SYN3: variants seen among roughly 807,000 people sequenced by gnomAD.
The protein encoded by SYN3 is synapsin-3.
In SYN3, 35 loss-of-function variants were observed where a neutral mutation model predicts 65.8. The ratio of observed to expected loss-of-function variants is 0.53; its 90% CI spans 0.41 to 0.70. SYN3 has a LOEUF of 0.70. Ranked by LOEUF, SYN3 falls within the 30% of genes least tolerant of loss-of-function variation. The pLI is 0.00. For synonymous variants in SYN3, 270 were observed against 292.9 expected (o/e 0.92, Z 0.80); for missense variants, 680 against 749.0 (o/e 0.91, Z 1.08).
intron 6 of SYN3, among the ~76,000 whole-genome samples, chr22:32,790,900 C>T (rs1187130284): frequency 2.6e-5 from 4 of 152,080 alleles, no homozygotes; most frequent in East Asian, 1.9e-4. Flanking sequence ...GTCAAGGGAA[C>T]GGAATGAACA....
chr22:32,619,325 T>C (rs1237117875), intron 6 of SYN3, among the ~76,000 whole-genome samples: 1 of 152,232 alleles, frequency 6.6e-6, no homozygotes, highest in Non-Finnish European at 1.5e-5. Flanking sequence ...TGAAATCCTA[T>C]AAAGTTCATA....
rs570278906 is a variant in SYN3 at position 32,747,556 on chromosome 22, C to A, written c.711+117359G>T. On this transcript the variant is annotated intron_variant, in intron 6 of 13. Transcript: ENST00000358763. Reference sequence around the variant, plus strand: ...CCTATAAGACAAGTTCTATTACTAACCCTATTTTACAGATGAGGAAAGTGA... The same window carrying A: ...CCTATAAGACAAGTTCTATTACTAAACCTATTTTACAGATGAGGAAAGTGA... Among the ~76,000 whole-genome samples the A allele has an allele frequency of 1.4e-4, 21 of 152,226 alleles. No homozygotes were observed. In the East Asian group the frequency reaches 3.7e-3, roughly 27 times the overall value.
intron 6 of SYN3, among the ~76,000 whole-genome samples, chr22:32,739,464 C>T (rs2061377662): frequency 6.6e-6 from 1 of 152,014 alleles, no homozygotes; most frequent in African/African-American, 2.4e-5. Flanking sequence ...CTTCAAAGTC[C>T]CCAGCAGTGG....
At chr22:32,873,276 G>A (rs529906964) in intron 4 of SYN3, among the ~76,000 whole-genome samples, 36 of 147,546 alleles carry the variant, frequency 2.4e-4, no homozygotes, top group African/African-American at 9.0e-4. Context: ...AACAAAGGAG[G>A]GAGTGAGTGG....
intron 4 of SYN3, among the ~76,000 whole-genome samples, chr22:32,870,896 A>G (rs2048831895): frequency 6.6e-6 from 1 of 152,212 alleles, no homozygotes. Flanking sequence ...AGTTCTGTGT[A>G]TTAAGGATAC....
chr22:33,046,049 C>T (rs771695683), intron 1 of SYN3, among the ~76,000 whole-genome samples: 5 of 150,966 alleles, frequency 3.3e-5, no homozygotes, highest in Non-Finnish European at 5.9e-5. Context: ...ACAGACACTT[C>T]GCCAAAGAGA....
chr22:32,561,571 C>T (rs1038015909), intron 7 of SYN3, among the ~76,000 whole-genome samples: 1 of 152,168 alleles, frequency 6.6e-6, no homozygotes, highest in Non-Finnish European at 1.5e-5. Context: ...GGGGGCATCT[C>T]TTATTTCCAA....
intron 6 of SYN3, among the ~76,000 whole-genome samples, chr22:32,764,892 T>C (rs375234826): frequency 1.3e-5 from 2 of 152,180 alleles, no homozygotes; most frequent in South Asian, 4.2e-4. Flanking sequence ...TCATAGTCTC[T>C]CTCCTCAAAG....
At chr22:32,735,959 C>G (rs1013828254) in intron 6 of SYN3, among the ~76,000 whole-genome samples, 8 of 152,210 alleles carry the variant, frequency 5.3e-5, no homozygotes, top group Non-Finnish European at 1.2e-4. Flanking sequence ...CAGCAAGGGG[C>G]TCCTGCCCAG....
At chr22:32,552,835 T>C (rs1390102919) in intron 7 of SYN3, among the ~76,000 whole-genome samples, 1 of 152,252 alleles carries the variant, frequency 6.6e-6, no homozygotes, top group Non-Finnish European at 1.5e-5. Flanking sequence ...CTGTTTCCTA[T>C]AATGTCACTT....
At chr22:32,620,103 C>T (rs534040009) in intron 6 of SYN3, among the ~76,000 whole-genome samples, 2 of 152,314 alleles carry the variant, frequency 1.3e-5, no homozygotes, top group South Asian at 2.1e-4. Context: ...TTATTTTAAG[C>T]CATTGAGTTT....
At position 32,555,575 on chromosome 22, in the gene SYN3, T is replaced by C. The variant is rs79500448; in HGVS notation, c.775-13862A>G. Reference sequence around the variant, plus strand: ...AAGATAACTGCATGAGGTAATTTACTGAACCAGGTTATTTACAAATCAGTG... The same window carrying C: ...AAGATAACTGCATGAGGTAATTTACCGAACCAGGTTATTTACAAATCAGTG... On this transcript the variant is annotated intron_variant, in intron 7 of 13. Transcript: ENST00000358763. Among the ~76,000 whole-genome samples the C allele has an allele frequency of 3.6e-3, 549 of 152,336 alleles. 1 individual carries two copies. Among genetic ancestry groups the C allele is most frequent in the African/African-American group, 0.012 (515 of 41,582 alleles).
At chr22:32,681,794 T>G (rs998571707) in intron 6 of SYN3, among the ~76,000 whole-genome samples, 29 of 152,196 alleles carry the variant, frequency 1.9e-4, no homozygotes, top group African/African-American at 7.0e-4. Context: ...ATATTCTAGT[T>G]GTGGGAGACA....
intron 6 of SYN3, among the ~76,000 whole-genome samples, chr22:32,704,130 C>T (rs2060847892): frequency 6.6e-6 from 1 of 152,080 alleles, no homozygotes; most frequent in Admixed American, 6.6e-5. Context: ...ATACTCGTGT[C>T]ACAGGGGTTT....
chr22:32,970,501 A>C lies in SYN3; in HGVS notation c.369+10144T>G, dbSNP rs566073941. 2.0e-5 allele frequency among the ~76,000 whole-genome samples: 3 copies of C among 151,144 alleles called. No homozygotes were observed. The South Asian group carries it at 6.3e-4, about 32-fold the overall frequency. On this transcript the variant is annotated intron_variant, in intron 3 of 13. Coordinates refer to ENST00000358763, the MANE Select transcript of SYN3 (RefSeq NM_003490.4). Reference sequence around the variant, plus strand: ...TATTTGGAAAAAAAAAAAAAAAGATATCACGCCACTGCACTCCAGCCTGGG... The same window carrying C: ...TATTTGGAAAAAAAAAAAAAAAGATCTCACGCCACTGCACTCCAGCCTGGG...
chr22:32,940,993 A>G (rs2050919722), intron 3 of SYN3, among the ~76,000 whole-genome samples: 1 of 152,232 alleles, frequency 6.6e-6, no homozygotes. Flanking sequence ...ATGTTTCCCT[A>G]GCAATATGAT....
chr22:32,802,013 G>T, intron 6 of SYN3: 1 of 1,580,392 alleles, frequency 6.3e-7, no homozygotes, highest in South Asian at 1.1e-5. Flanking sequence ...TGACCCCTTG[G>T]CTCGGGCTCA....
At chr22:32,609,276 A>G (rs1455905519) in intron 6 of SYN3, among the ~76,000 whole-genome samples, 2 of 152,002 alleles carry the variant, frequency 1.3e-5, no homozygotes, top group South Asian at 2.1e-4. Flanking sequence ...GTGAGCGGAG[A>G]TGGAGCCACT....
At chr22:32,526,507 AATTT>A (rs530309082) in intron 12 of SYN3, among the ~76,000 whole-genome samples, 2 of 151,604 alleles carry the variant, frequency 1.3e-5, no homozygotes, top group South Asian at 4.2e-4. Flanking sequence ...ATATATATAT[AATTT>A]ATTTATTTTA....
Sources: allele counts gnomAD v4.1 joint callset (sites outside exome capture counted in the v4.1 genomes callset), GRCh38; gene constraint gnomAD v4.1.1; transcripts MANE v1.5; gene names NCBI Gene and HGNC (gene_info 2026-07-23, HGNC 2026-07-21).